PC: variants seen among roughly 807,000 people sequenced by gnomAD.
PC encodes the protein pyruvate carboxylase.
Under a neutral mutation model 107.8 loss-of-function variants are expected in PC, and 46 were observed. The ratio of observed to expected loss-of-function variants is 0.43; its 90% CI spans 0.34 to 0.55. The LOEUF (loss-of-function observed/expected upper bound fraction) is 0.55. PC is among the 20% of genes least tolerant of loss of function. The probability of loss-of-function intolerance (pLI) is 0.04; values close to 1 mark genes in which losing one functional copy is unlikely to be tolerated. For synonymous variants in PC, 662 were observed against 684.7 expected (o/e 0.97, Z 0.52); for missense variants, 1,241 against 1,643.1 (o/e 0.76, Z 4.23).
At chr11:66,948,555 T>C (rs1017525713) in intron 3 of PC, among the ~76,000 whole-genome samples, 2 of 152,174 alleles carry the variant, frequency 1.3e-5, no homozygotes, top group Non-Finnish European at 2.9e-5. Flanking sequence ...AATAAAGCTA[T>C]TGTAAAAACT....
chr11:66,896,654 A>G (rs1482099846), intron 3 of PC, among the ~76,000 whole-genome samples: 1 of 152,334 alleles, frequency 6.6e-6, no homozygotes, highest in African/African-American at 2.4e-5. Flanking sequence ...ACTCTTACTG[A>G]TGAGAGGGCC....
intron 3 of PC, among the ~76,000 whole-genome samples, chr11:66,906,195 G>A (rs779678262): frequency 4.7e-4 from 71 of 152,096 alleles, no homozygotes; most frequent in Non-Finnish European, 2.2e-4. Flanking sequence ...ATGCAGCCCC[G>A]CCTAAAAAGT....
intron 3 of PC, among the ~76,000 whole-genome samples, chr11:66,917,049 G>A (rs1948479224): frequency 6.6e-6 from 1 of 151,744 alleles, no homozygotes; most frequent in African/African-American, 2.4e-5. Context: ...CAAACCAAGA[G>A]CCCTCACCCC....
chr11:66,925,088 G>A (rs1393430939), intron 3 of PC, among the ~76,000 whole-genome samples: 2 of 152,124 alleles, frequency 1.3e-5, no homozygotes, highest in Non-Finnish European at 2.9e-5. Context: ...TGCTTCACAA[G>A]GTAATAGAAT....
chr11:66,902,935 A>T (rs1948012328), intron 3 of PC, among the ~76,000 whole-genome samples: 1 of 152,260 alleles, frequency 6.6e-6, no homozygotes. Context: ...AGGGAAGCAC[A>T]GCGGCTGCGG....
chr11:66,870,730 G>T lies in PC; in HGVS notation c.751+45C>A. On this transcript the variant is annotated intron_variant, in intron 8 of 22. Transcript: ENST00000393960. The surrounding 1 kb of genome is among the most constrained non-coding windows in gnomAD (Gnocchi z 6.1). The stretch of plus-strand genomic sequence containing the variant: ...GACGGCACCAGGACTGGGCCTCTCA[G>T]CTCCCGCCTCCAGCTGCCCCAGGCG... The T allele has an allele frequency of 6.4e-7, 1 of 1,551,534 alleles. No homozygotes were observed. The highest frequency in any genetic ancestry group is 8.8e-7 in the Non-Finnish European group (1 of 1,130,074).
At position 66,857,874 on chromosome 11, in the gene PC, C is replaced by T. The variant is rs1435884644; in HGVS notation, c.1369-4491G>A. ...CCACCGAGGCCTGCTGTTTGTGCCGCCCAACGTGGACCGGCGCACAGTGGA... is the reference window on the plus strand; with the variant it reads ...CCACCGAGGCCTGCTGTTTGTGCCGTCCAACGTGGACCGGCGCACAGTGGA... On this transcript the variant is annotated intron_variant, in intron 12 of 22. Transcript: ENST00000393960. The surrounding 1 kb of genome is among the most constrained non-coding windows in gnomAD (Gnocchi z 7.1). 6.2e-7 allele frequency: 1 copy of T among 1,610,782 alleles called. No homozygotes were observed. The highest frequency in any genetic ancestry group is 1.1e-5 in the South Asian group (1 of 91,078).
chr11:66,908,583 C>T (rs779408118), intron 3 of PC, among the ~76,000 whole-genome samples: 3 of 152,164 alleles, frequency 2.0e-5, no homozygotes, highest in Admixed American at 1.3e-4. Context: ...AGCAAAACAC[C>T]AGGCTGAGCT....
intron 3 of PC, among the ~76,000 whole-genome samples, chr11:66,874,252 G>A (rs1202758123): frequency 3.9e-5 from 6 of 151,938 alleles, no homozygotes; most frequent in South Asian, 4.2e-4. Flanking sequence ...GAACCACCAC[G>A]CCTGGCTGTA....
intron 9 of PC, among the ~76,000 whole-genome samples, chr11:66,869,234 A>C (rs972980141): frequency 1.3e-5 from 2 of 151,918 alleles, no homozygotes; most frequent in Non-Finnish European, 2.9e-5. Flanking sequence ...CATGGGCAGA[A>C]GCCCCCACCC....
intron 3 of PC, among the ~76,000 whole-genome samples, chr11:66,948,686 A>C (rs926887696): frequency 6.6e-6 from 1 of 152,080 alleles, no homozygotes. Flanking sequence ...CAAAAAGTAC[A>C]AAAATTAGCC....
Position 66,848,517 on chromosome 11 carries a change from G to C in PC, c.*382C>G, listed in dbSNP as rs1945284312. ...CAGGCTGGGGGCTGCACAGGATCCA[G>C]CATGGAGGGCAGGGGAAAGCCAGCT... is the stretch of plus-strand genomic sequence containing the variant. On this transcript the variant is annotated 3_prime_UTR_variant, in exon 23 of 23. Coordinates refer to ENST00000393960, the MANE Select transcript of PC (RefSeq NM_001040716.2). The C allele has an allele frequency of 1.7e-6, 1 of 588,756 alleles. No homozygotes were observed. Among genetic ancestry groups the C allele is most frequent in the Non-Finnish European group, 3.0e-6 (1 of 332,008 alleles). The allele number at this position is 588,756 out of a possible 1,614,324, so 36.5% of individuals were successfully genotyped here. A position where few individuals can be genotyped will look rare whatever the true frequency, so the allele number is the denominator to read the frequency against.
chr11:66,941,379 T>G (rs1009809104), intron 3 of PC, among the ~76,000 whole-genome samples: 1 of 152,232 alleles, frequency 6.6e-6, no homozygotes, highest in Admixed American at 6.5e-5. Flanking sequence ...AAGAGATATT[T>G]GTACACCCAT....
rs367895227 is a variant in PC at position 66,895,631 on chromosome 11, G to A, written c.1-23472C>T. The stretch of plus-strand genomic sequence containing the variant: ...AAATTAAAAAATACAATAAGACAAA[G>A]CAATAGAAAGGTTGAAAGATAAAAG... On this transcript the variant is annotated intron_variant, in intron 3 of 22. Coordinates refer to ENST00000393960, the MANE Select transcript of PC (RefSeq NM_001040716.2). Among the ~76,000 whole-genome samples the A allele has an allele frequency of 2.5e-4, 38 of 152,066 alleles. No individual in the cohort carries two copies. In the East Asian group the frequency reaches 5.2e-3, roughly 21 times the overall value.
intron 3 of PC, among the ~76,000 whole-genome samples, chr11:66,918,676 C>A (rs1463942366): frequency 6.6e-6 from 1 of 151,944 alleles, no homozygotes; most frequent in Non-Finnish European, 1.5e-5. Flanking sequence ...CCCAGCCCAA[C>A]AAAATCTACT....
At chr11:66,957,358 T>A (rs944182406) in intron 1 of PC, among the ~76,000 whole-genome samples, 2 of 152,242 alleles carry the variant, frequency 1.3e-5, no homozygotes, top group Non-Finnish European at 2.9e-5. Flanking sequence ...GAGGCACGCC[T>A]GTAATCTCAG....
intron 12 of PC, chr11:66,860,217 G>T: frequency 2.6e-6 from 4 of 1,541,064 alleles, no homozygotes; most frequent in Non-Finnish European, 3.5e-6. Context: ...CTTCCTGTGT[G>T]CTCCAAGGGA....
At chr11:66,854,385 A>G (rs1945682763) in intron 12 of PC, among the ~76,000 whole-genome samples, 1 of 152,086 alleles carries the variant, frequency 6.6e-6, no homozygotes, top group Non-Finnish European at 1.5e-5. Context: ...GCTGTGGGCA[A>G]GCACACCCAT....
rs1222304260 is a variant in PC at position 66,849,030 on chromosome 11, G to A, written c.3406C>T (p.Pro1136Ser). The change falls in exon 23 of 23, where the codon CCC becomes TCC. Residue 1136 changes from proline to serine, a missense_variant. Physicochemically the swap from Pro to Ser is moderately conservative, Grantham distance 74 (BLOSUM62 -1). This residue lies in a region of PC where 98 missense variants were observed against 91.2 expected (regional missense o/e 1.07). Coordinates refer to ENST00000393960, the MANE Select transcript of PC (RefSeq NM_001040716.2). ...TTCATGGCACTGAGCACACACAGGGGCTGGCCCTTGGCCACCTTGGCCCCT... is the reference window on the plus strand; with the variant it reads ...TTCATGGCACTGAGCACACACAGGGACTGGCCCTTGGCCACCTTGGCCCCT... ...VAGAKVAKGQ[P>S]LCVLSAMKME... 2 of 1,614,060 alleles carry A rather than the reference G, an allele frequency of 1.2e-6. No homozygotes were observed. The highest frequency in any genetic ancestry group is 1.3e-5 in the African/African-American group (1 of 75,064).
Sources: allele counts gnomAD v4.1 joint callset (sites outside exome capture counted in the v4.1 genomes callset), GRCh38; gene constraint gnomAD v4.1.1; regional missense constraint gnomAD v4.1.1; non-coding constraint Gnocchi (gnomAD v3.1); transcripts MANE v1.5; gene names NCBI Gene and HGNC (gene_info 2026-07-23, HGNC 2026-07-21).